LAMA2: variants seen among roughly 807,000 people sequenced by gnomAD.
LAMA2 encodes laminin subunit alpha-2.
Under a neutral mutation model 364.8 loss-of-function variants are expected in LAMA2, and 269 were observed. That is an observed-to-expected ratio of 0.74 (90% CI 0.67 to 0.82). The LOEUF is 0.82. Among genes scored for constraint, LAMA2 ranks in the 40% least tolerant of loss-of-function variants. LAMA2 has a pLI of 0.00. For synonymous variants in LAMA2, 1,379 were observed against 1,370.6 expected (o/e 1.01, Z -0.14); for missense variants, 3,807 against 3,873.2 (o/e 0.98, Z 0.45).
intron 1 of LAMA2, among the ~76,000 whole-genome samples, chr6:128,972,203 G>C (rs530682661): frequency 1.3e-5 from 2 of 152,110 alleles, no homozygotes; most frequent in Non-Finnish European, 2.9e-5. Context: ...CAATTACACT[G>C]TTTGAAAAAC....
chr6:129,372,468 G>A (rs1404747298), intron 34 of LAMA2, among the ~76,000 whole-genome samples: 1 of 151,936 alleles, frequency 6.6e-6, no homozygotes, highest in Admixed American at 6.6e-5. Flanking sequence ...ATTTTTTCAT[G>A]ACTTTATAGC....
chr6:128,899,496 A>G (rs545078466), intron 1 of LAMA2, among the ~76,000 whole-genome samples: 3 of 152,314 alleles, frequency 2.0e-5, no homozygotes, highest in East Asian at 1.9e-4. Flanking sequence ...CTGTTGCTTT[A>G]TCTCCAGCTT....
intron 8 of LAMA2, among the ~76,000 whole-genome samples, chr6:129,155,336 T>C (rs1430199517): frequency 6.6e-6 from 1 of 152,160 alleles, no homozygotes; most frequent in South Asian, 2.1e-4. Flanking sequence ...AGTAATAATG[T>C]ATAAAATGTT....
intron 8 of LAMA2, among the ~76,000 whole-genome samples, chr6:129,156,419 T>C (rs1018298806): frequency 5.9e-5 from 9 of 152,108 alleles, no homozygotes; most frequent in African/African-American, 1.2e-4. Flanking sequence ...GAATTTTGCT[T>C]TGCATGACTG....
At chr6:128,978,013 T>C (rs1026189699) in intron 1 of LAMA2, among the ~76,000 whole-genome samples, 2 of 152,322 alleles carry the variant, frequency 1.3e-5, no homozygotes, top group African/African-American at 4.8e-5. Flanking sequence ...TAAAATGATA[T>C]CATTAAAAAC....
At chr6:129,412,396 T>C (rs1360311189) in intron 40 of LAMA2, among the ~76,000 whole-genome samples, 2 of 152,090 alleles carry the variant, frequency 1.3e-5, no homozygotes, top group African/African-American at 4.8e-5. Context: ...CACAGCAACA[T>C]CTAGACTGCT....
intron 1 of LAMA2, among the ~76,000 whole-genome samples, chr6:128,918,830 G>A (rs981790806): frequency 2.0e-5 from 3 of 152,050 alleles, no homozygotes; most frequent in Admixed American, 6.6e-5. Context: ...CAAGTAGTTC[G>A]AGGTTCAGCC....
At chr6:129,006,574 T>G (rs917872682) in intron 1 of LAMA2, among the ~76,000 whole-genome samples, 2 of 152,096 alleles carry the variant, frequency 1.3e-5, no homozygotes, top group African/African-American at 4.8e-5. Flanking sequence ...TGCTGCCTCT[T>G]TCCAATTTTA....
intron 1 of LAMA2, among the ~76,000 whole-genome samples, chr6:128,985,248 A>C (rs1783151220): frequency 6.6e-6 from 1 of 152,166 alleles, no homozygotes; most frequent in African/African-American, 2.4e-5. Flanking sequence ...GCTGTTGTAA[A>C]ATACAGATTA....
At chr6:129,045,002 A>G (rs1787374653) in intron 1 of LAMA2, among the ~76,000 whole-genome samples, 1 of 152,198 alleles carries the variant, frequency 6.6e-6, no homozygotes, top group Non-Finnish European at 1.5e-5. Context: ...GTTGCAATCT[A>G]TAATAAGACA....
At chr6:128,950,017 A>G (rs145580801) in intron 1 of LAMA2, among the ~76,000 whole-genome samples, 161 of 152,316 alleles carry the variant, frequency 1.1e-3, no homozygotes, top group African/African-American at 3.8e-3. Flanking sequence ...AAACAAATAT[A>G]TGTAAATACT....
chr6:129,037,378 G>C (rs541042860), intron 1 of LAMA2, among the ~76,000 whole-genome samples: 2 of 152,120 alleles, frequency 1.3e-5, no homozygotes, highest in Non-Finnish European at 2.9e-5. Context: ...AACAGTATAT[G>C]ATATCTTAGA....
chr6:129,514,446 G>C lies in LAMA2; in HGVS notation c.9062G>C (p.Cys3021Ser). ...VYDAGVPGHL[C>S]DGQWHKVTAN... ...GATGCTGGGGTTCCAGGGCATTTGT[G>C]TGATGGACAATGGCATAAAGTCACT... The change falls in exon 64 of 65, where the codon TGT becomes TCT. Residue 3021 changes from cysteine to serine, a missense_variant. By Grantham distance (112) the Cys-to-Ser change is moderately radical. This residue lies in a region of LAMA2 where 3,333 missense variants were observed against 3,345.7 expected (regional missense o/e 1.00). Transcript: ENST00000421865. The C allele has an allele frequency of 1.9e-6, 3 of 1,614,084 alleles. No individual in the cohort carries two copies. Among genetic ancestry groups the C allele is most frequent in the Non-Finnish European group, 2.5e-6 (3 of 1,180,000 alleles).
intron 2 of LAMA2, among the ~76,000 whole-genome samples, chr6:129,050,739 A>G (rs1202080657): frequency 1.3e-5 from 2 of 152,196 alleles, no homozygotes; most frequent in African/African-American, 2.4e-5. Context: ...AATGACTAGA[A>G]CTGAAAGTGC....
At chr6:129,443,205 A>G (rs111243636) in intron 44 of LAMA2, 137 bp downstream of exon 44, 41 of 600,462 alleles carry the variant, frequency 6.8e-5, no homozygotes, top group African/African-American at 9.6e-5. Flanking sequence ...CTGTTACAGT[A>G]TTAATGGTAG....
At chr6:129,342,052 G>A (rs1359167854) in intron 29 of LAMA2, among the ~76,000 whole-genome samples, 2 of 152,200 alleles carry the variant, frequency 1.3e-5, no homozygotes, top group South Asian at 2.1e-4. Flanking sequence ...CCAATTTAGA[G>A]TAGGAGAAAA....
At chr6:129,484,972 G>A (rs760014848) in intron 55 of LAMA2, among the ~76,000 whole-genome samples, 9 of 152,138 alleles carry the variant, frequency 5.9e-5, no homozygotes, top group East Asian at 1.9e-4. Flanking sequence ...TCAAATAGTC[G>A]TAATAAAAAT....
chr6:129,405,701 A>T lies in LAMA2; in HGVS notation c.5865+1742A>T, dbSNP rs577333197. Among the ~76,000 whole-genome samples the T allele has an allele frequency of 2.9e-3, 446 of 152,312 alleles. 2 individuals carry two copies. The highest frequency in any genetic ancestry group is 0.01 in the African/African-American group (423 of 41,578). On this transcript the variant is annotated intron_variant, in intron 40 of 64. Coordinates refer to ENST00000421865, the MANE Select transcript of LAMA2 (RefSeq NM_000426.4). ...TGTTTTTCATGAACAGAATGAATAAAATTTTAGTTTAATAGATCAGTATAA... is the reference window on the plus strand; with the variant it reads ...TGTTTTTCATGAACAGAATGAATAATATTTTAGTTTAATAGATCAGTATAA...
intron 1 of LAMA2, among the ~76,000 whole-genome samples, chr6:128,911,802 C>G (rs1270683842): frequency 6.6e-6 from 1 of 152,160 alleles, no homozygotes; most frequent in African/African-American, 2.4e-5. Context: ...CCAGAAGGCC[C>G]TCACTGTTTT....
Sources: allele counts gnomAD v4.1 joint callset (sites outside exome capture counted in the v4.1 genomes callset), GRCh38; gene constraint gnomAD v4.1.1; regional missense constraint gnomAD v4.1.1; transcripts MANE v1.5; gene names NCBI Gene and HGNC (gene_info 2026-07-23, HGNC 2026-07-21).